Variants in TESK2 observed in about 807,000 individuals in gnomAD.
TESK2 encodes dual specificity testis-specific protein kinase 2.
TESK2 carries 39 observed loss-of-function variants against 57.1 expected under a neutral mutation model. The observed-to-expected ratio is 0.68, with a 90% CI of 0.53 to 0.89. TESK2 has a LOEUF of 0.89. Among genes scored for constraint, TESK2 ranks in the 40% least tolerant of loss-of-function variants. The probability of loss-of-function intolerance (pLI) is 0.00; values close to 1 mark genes in which losing one functional copy is unlikely to be tolerated. For synonymous variants in TESK2, 249 were observed against 267.9 expected, an observed-to-expected ratio of 0.93 and a Z score of 0.69; for missense variants, 646 against 732.1, an observed-to-expected ratio of 0.88 and a Z score of 1.36.
At chr1:45,436,113 T>C (rs1651197699) in intron 2 of TESK2, among the ~76,000 whole-genome samples, 1 of 151,290 alleles carries the variant, frequency 6.6e-6, no homozygotes. Flanking sequence ...ATTTGGTCTC[T>C]TTTTTGTTTC....
At chr1:45,405,626 TA>T (rs1649809435) in intron 3 of TESK2, among the ~76,000 whole-genome samples, 1 of 150,052 alleles carries the variant, frequency 6.7e-6, no homozygotes. Flanking sequence ...ACCCCATCTC[TA>T]AAAAATATAT....
At chr1:45,470,225 G>A (rs749579634) in intron 1 of TESK2, among the ~76,000 whole-genome samples, 13 of 152,062 alleles carry the variant, frequency 8.5e-5, no homozygotes, top group African/African-American at 7.2e-5. Flanking sequence ...ATGTAGCCCC[G>A]AAAACTGGCC....
chr1:45,429,575 A>C (rs990745927), intron 2 of TESK2, among the ~76,000 whole-genome samples: 3 of 152,082 alleles, frequency 2.0e-5, no homozygotes, highest in African/African-American at 7.2e-5. Context: ...ACTAAACAAA[A>C]ATTACAGGAG....
intron 2 of TESK2, among the ~76,000 whole-genome samples, chr1:45,456,365 A>C (rs1652095379): frequency 2.0e-5 from 3 of 151,812 alleles, no homozygotes. Context: ...CTAAAAATAC[A>C]AAAATTAGCC....
intron 4 of TESK2, among the ~76,000 whole-genome samples, chr1:45,369,772 T>C (rs1570658353): frequency 6.6e-6 from 1 of 150,912 alleles, no homozygotes; most frequent in South Asian, 2.1e-4. Context: ...AGTGCAGCGG[T>C]ACAATCTCAG....
chr1:45,479,847 CTCACT>C (rs1187237470), intron 1 of TESK2, among the ~76,000 whole-genome samples: 4 of 107,520 alleles, frequency 3.7e-5, no homozygotes, highest in African/African-American at 1.5e-4. Flanking sequence ...GAGATGGAGT[CTCACT>C]CTGTTGCCCA....
intron 5 of TESK2, among the ~76,000 whole-genome samples, chr1:45,354,605 A>G (rs1022305787): frequency 2.6e-5 from 4 of 151,092 alleles, no homozygotes; most frequent in Non-Finnish European, 5.9e-5. Flanking sequence ...CAGCCTGGGC[A>G]ATAAGAGTGG....
intron 3 of TESK2, among the ~76,000 whole-genome samples, chr1:45,404,433 A>AC (rs1208409360): frequency 1.3e-5 from 2 of 152,218 alleles, no homozygotes; most frequent in East Asian, 3.8e-4. Flanking sequence ...GTGATGTATA[A>AC]CATTTACTGA....
intron 4 of TESK2, among the ~76,000 whole-genome samples, chr1:45,381,913 A>C (rs916977879): frequency 7.1e-6 from 1 of 141,586 alleles, no homozygotes; most frequent in Non-Finnish European, 1.5e-5. Context: ...GCTCAGGCTG[A>C]AGTGCAGTGG....
At chr1:45,353,429 C>A (rs1369846141) in intron 5 of TESK2, among the ~76,000 whole-genome samples, 1 of 152,228 alleles carries the variant, frequency 6.6e-6, no homozygotes, top group Non-Finnish European at 1.5e-5. Context: ...CTCTGCCACA[C>A]ACCAAAACCA....
intron 1 of TESK2, among the ~76,000 whole-genome samples, chr1:45,481,088 G>A (rs540189555): frequency 1.8e-4 from 27 of 152,004 alleles, no homozygotes; most frequent in African/African-American, 6.3e-4. Flanking sequence ...ATAAGCGGCC[G>A]GGCCTGGTGG....
chr1:45,484,109 T>C (rs914653188), intron 1 of TESK2, among the ~76,000 whole-genome samples: 16 of 141,406 alleles, frequency 1.1e-4, no homozygotes, highest in East Asian at 2.0e-4. Context: ...TTCTTCTTTT[T>C]TTTTTTTTTT....
At chr1:45,375,652 C>T (rs1648389136) in intron 4 of TESK2, among the ~76,000 whole-genome samples, 1 of 152,068 alleles carries the variant, frequency 6.6e-6, no homozygotes, top group South Asian at 2.1e-4. Context: ...AGTCCCAGTG[C>T]TTTGAGAGGC....
chr1:45,416,633 T>G (rs1190947050), intron 3 of TESK2, among the ~76,000 whole-genome samples: 1 of 152,172 alleles, frequency 6.6e-6, no homozygotes, highest in Non-Finnish European at 1.5e-5. Flanking sequence ...GAAATATACA[T>G]TATTATTAAC....
chr1:45,455,939 TC>T (rs1652070132), intron 2 of TESK2, among the ~76,000 whole-genome samples: 1 of 151,926 alleles, frequency 6.6e-6, no homozygotes, highest in Non-Finnish European at 1.5e-5. Flanking sequence ...TTACCTGTAA[TC>T]CCAACACTTT....
chr1:45,429,415 A>T lies in TESK2; in HGVS notation c.223-7569T>A, dbSNP rs188629951. ...CATCTAAAAAACAGATTAAAAAAAA[A>T]TTTTTTTTTTAAACCTGAAAGCTCA... On this transcript the variant is annotated intron_variant, in intron 2 of 10. Transcript: ENST00000372086. Among the ~76,000 whole-genome samples the T allele has an allele frequency of 8.7e-4, 132 of 151,058 alleles. 1 individual carries two copies. The East Asian group carries it at 0.017, about 19-fold the overall frequency.
intron 2 of TESK2, among the ~76,000 whole-genome samples, chr1:45,456,968 T>C (rs947629167): frequency 1.3e-5 from 2 of 151,824 alleles, no homozygotes; most frequent in Non-Finnish European, 2.9e-5. Context: ...AGGGAGTGAG[T>C]GAAACAGGGA....
intron 2 of TESK2, among the ~76,000 whole-genome samples, chr1:45,431,594 AT>A (rs1376215375): frequency 2.6e-5 from 4 of 152,170 alleles, no homozygotes; most frequent in Non-Finnish European, 5.9e-5. Context: ...TAATGCAAAT[AT>A]TCAAAAAAAT....
At chr1:45,485,933 T>A (rs1653460667) in intron 1 of TESK2, among the ~76,000 whole-genome samples, 1 of 152,056 alleles carries the variant, frequency 6.6e-6, no homozygotes, top group South Asian at 2.1e-4. Context: ...AGATAAGTAA[T>A]TTGCCTTTAT....
Sources: allele counts gnomAD v4.1 joint callset (sites outside exome capture counted in the v4.1 genomes callset), GRCh38; gene constraint gnomAD v4.1.1; transcripts MANE v1.5; gene names NCBI Gene and HGNC (gene_info 2026-07-23, HGNC 2026-07-21).